Variants in ESRP2 observed in about 807,000 individuals in gnomAD.
ESRP2 encodes the protein RNA binding motif protein 35A.
Under a neutral mutation model 78.6 loss-of-function variants are expected in ESRP2, and 48 were observed. The observed-to-expected ratio is 0.61, with a 90% CI of 0.48 to 0.78. The LOEUF (loss-of-function observed/expected upper bound fraction) is 0.78, where lower values mean the gene tolerates loss of function less well. ESRP2 is among the 30% of genes least tolerant of loss of function. The pLI, the probability that ESRP2 is intolerant of heterozygous loss-of-function variation, is 0.00. For missense variants in ESRP2, 863 were observed against 965.9 expected (o/e 0.89, Z 1.41); for synonymous variants, 383 against 406.7 (o/e 0.94, Z 0.70).
rs2042224033 is a variant in ESRP2 at position 68,236,058 on chromosome 16, A to AG, written c.-14dup. Reference sequence around the variant, plus strand: ...GCGGCGGAGTCATGGCCGCAGAGGAAGGGGGCTCTCGGCCAGACACGCGGA... The same window carrying AG: ...GCGGCGGAGTCATGGCCGCAGAGGAAGGGGGGCTCTCGGCCAGACACGCGGA... On this transcript the variant is annotated 5_prime_UTR_variant, in exon 1 of 15. Coordinates refer to ENST00000473183, the MANE Select transcript of ESRP2 (RefSeq NM_024939.3). This position sits in a 1 kb window ranked among gnomAD's most constrained non-coding sequence, Gnocchi z 5.2. 7.1e-7 allele frequency: 1 copy of AG among 1,418,426 alleles called. No homozygotes were observed. Among genetic ancestry groups the AG allele is most frequent in the Admixed American group, 3.3e-5 (1 of 30,348 alleles). 87.9% of individuals were successfully genotyped at this position (1,418,426 alleles called of 1,614,324 possible). A position where few individuals can be genotyped will look rare whatever the true frequency, so the allele number is the denominator to read the frequency against.
In ESRP2 at chr16:68,232,948, C is replaced by T. The variant is rs1322082974; in HGVS notation, c.656-133G>A. 7.6e-7 allele frequency: 1 copy of T among 1,321,892 alleles called. No homozygotes were observed. Among genetic ancestry groups the T allele is most frequent in the African/African-American group, 1.4e-5 (1 of 69,074 alleles). The allele number at this position is 1,321,892 out of a possible 1,614,324, so 81.9% of individuals were successfully genotyped here. A position where few individuals can be genotyped will look rare whatever the true frequency, so the allele number is the denominator to read the frequency against. ...GCACAGTGGCTCACGCCTATAATCC[C>T]AGCACTTTGGGAGGCCAAGGTGGGT... On this transcript the variant is annotated intron_variant, in intron 5 of 14. Transcript: ENST00000473183. The surrounding 1 kb of genome is among the most constrained non-coding windows in gnomAD (Gnocchi z 5.2).
Position 68,229,411 on chromosome 16 carries a change from A to G in ESRP2, c.*815T>C, listed in dbSNP as rs1008554441. The G allele has an allele frequency of 1.3e-5, 2 of 152,652 alleles. No individual in the cohort carries two copies. Among genetic ancestry groups the G allele is most frequent in the African/African-American group, 4.8e-5 (2 of 41,446 alleles). 9.5% of individuals were successfully genotyped at this position (152,652 alleles called of 1,614,324 possible). On this transcript the variant is annotated 3_prime_UTR_variant, in exon 15 of 15. Transcript: ENST00000473183. ...AAGATCGAGTTCCAAATTGCTTCCG[A>G]GGCTTCAGTTCTGTACCATTTAATG...
Position 68,230,966 on chromosome 16 carries a change from C to T in ESRP2, c.1773G>A (p.Thr591=), listed in dbSNP as rs756594868. The T allele has an allele frequency of 1.2e-5, 19 of 1,608,462 alleles. No homozygotes were observed. The highest frequency in any genetic ancestry group is 4.5e-5 in the East Asian group (2 of 44,872). ...GTGCTGAAGAGGGGTATAGAGCTGC[C>T]GTCTCCGTGGGAATGAGCGTTGGGG... ...QATPTLIPTE[T]AALYPSSALL... The change falls in exon 13 of 15, where the codon ACG becomes ACA. Residue 591 remains threonine (T), a synonymous_variant. Coordinates refer to ENST00000473183, the MANE Select transcript of ESRP2 (RefSeq NM_024939.3).
chr16:68,233,416 A>C lies in ESRP2; in HGVS notation c.566T>G (p.Leu189Arg), dbSNP rs1238545555. 2 of 1,613,292 alleles carry C rather than the reference A, an allele frequency of 1.2e-6. No homozygotes were observed. The highest frequency in any genetic ancestry group is 2.7e-5 in the African/African-American group (2 of 74,910). ...GTCATCCTCTGTGGCATCTGTCTCC[A>C]GTCCTAAACCTATGGGCAGAGAAGT... is the stretch of plus-strand genomic sequence containing the variant. The part of the protein sequence containing the change: ...TVATMAQGLG[L>R]ETDATEDDFG... Residue 189 changes from leucine to arginine, a missense_variant, in exon 5 of 15, where the codon CTG (leucine) becomes CGG (arginine). By Grantham distance (102) the Leu-to-Arg change is moderately radical (BLOSUM62 -2). Transcript: ENST00000473183.
Position 68,231,727 on chromosome 16 carries a change from C to G in ESRP2, c.1300-33G>C. The G allele has an allele frequency of 6.3e-7, 1 of 1,593,482 alleles. No individual in the cohort carries two copies. Among genetic ancestry groups the G allele is most frequent in the Non-Finnish European group, 8.6e-7 (1 of 1,166,972 alleles). On this transcript the variant is annotated intron_variant, in intron 10 of 14. Transcript: ENST00000473183. This position sits in a 1 kb window ranked among gnomAD's most constrained non-coding sequence, Gnocchi z 6.0. ...GGAAGGCAGCAACAGGCTGGTCATG[C>G]CAAGTAGGGCAGGGACACAGAGGGC... is the stretch of plus-strand genomic sequence containing the variant.
chr16:68,235,281 C>G lies in ESRP2; in HGVS notation c.327+353G>C. On this transcript the variant is annotated intron_variant, in intron 2 of 14. Transcript: ENST00000473183. The surrounding 1 kb of genome is among the most constrained non-coding windows in gnomAD (Gnocchi z 5.5). The stretch of plus-strand genomic sequence containing the variant: ...GGTGACCTATATGGGCCCCTCGACC[C>G]CTTTCGCTTCCGGCTGCGGCTCAGG... 1.0e-6 allele frequency: 1 copy of G among 985,454 alleles called. No homozygotes were observed. Among genetic ancestry groups the G allele is most frequent in the Non-Finnish European group, 1.2e-6 (1 of 829,938 alleles). 61.0% of individuals were successfully genotyped at this position (985,454 alleles called of 1,614,324 possible).
rs751297679 is a variant in ESRP2 at position 68,232,479 on chromosome 16, G to A, written c.846C>T (p.Asn282=). The A allele has an allele frequency of 1.5e-5, 25 of 1,614,148 alleles. No homozygotes were observed. The highest frequency in any genetic ancestry group is 1.7e-5 in the Non-Finnish European group (20 of 1,180,018). The change falls in exon 8 of 15, where the codon AAC becomes AAT. Residue 282 remains asparagine, a synonymous_variant. Transcript: ENST00000473183. The surrounding 1 kb of genome is among the most constrained non-coding windows in gnomAD (Gnocchi z 5.2). ...CCTCGCCATTTCTGCGGCCCTGGGC[G>A]TTGAGGCAGAGTGCTACACCACCCC... ...VARGGVALCL[N]AQGRRNGEAL... is the part of the protein sequence containing the mutation.
rs1385939636 is a variant in ESRP2 at position 68,234,126 on chromosome 16, G to C, written c.328-19C>G. Reference sequence around the variant, plus strand: ...GTGAGAACTGGGGATAGGGAATGGGGAGAGAGAAACACACAGATTCACAGC... The same window carrying C: ...GTGAGAACTGGGGATAGGGAATGGGCAGAGAGAAACACACAGATTCACAGC... On this transcript the variant is annotated intron_variant, in intron 2 of 14. Transcript: ENST00000473183. 1 of 1,573,452 alleles carries C rather than the reference G, an allele frequency of 6.4e-7. No homozygotes were observed. The highest frequency in any genetic ancestry group is 8.7e-7 in the Non-Finnish European group (1 of 1,152,730).
rs1043812148 is a variant in ESRP2, at chr16:68,235,547, G to A, written c.327+87C>T. 167 of 1,541,190 alleles carry A rather than the reference G, an allele frequency of 1.1e-4. No homozygotes were observed. The highest frequency in any genetic ancestry group is 4.5e-5 in the Non-Finnish European group (52 of 1,154,070). ...CCTGCCGCCTGGACCGGTTGGTTGC[G>A]GCACGCCAGGCCTAGCCTCCGGCCG... On this transcript the variant is annotated intron_variant, in intron 2 of 14. Coordinates refer to ENST00000473183, the MANE Select transcript of ESRP2 (RefSeq NM_024939.3). The surrounding 1 kb of genome is among the most constrained non-coding windows in gnomAD (Gnocchi z 5.5).
chr16:68,235,663 C>T lies in ESRP2; in HGVS notation c.298G>A (p.Ala100Thr). 1 of 1,597,938 alleles carries T rather than the reference C, an allele frequency of 6.3e-7. No individual in the cohort carries two copies. Among genetic ancestry groups the T allele is most frequent in the South Asian group, 1.1e-5 (1 of 90,916 alleles). ...TGCAGCACCTTGTCCAGCGGCTCTG[C>T]CCGCGCCAGGCTGTCGGCGCTCAGG... is the stretch of plus-strand genomic sequence containing the variant. The part of the protein sequence containing the change: ...SGLSADSLAR[A>T]EPLDKVLQQF... The change falls in exon 2 of 15, where the codon GCA becomes ACA. Residue 100 changes from alanine to threonine, a missense_variant. Transcript: ENST00000473183. This position sits in a 1 kb window ranked among gnomAD's most constrained non-coding sequence, Gnocchi z 5.5.
rs1567563409 is a variant in ESRP2, at chr16:68,231,138, A to C, written c.1711+40T>G. ...GGTAGGGGCTTACAACAGCCTGGCT[A>C]CCACAGGCCTCCTCCTCCCCTAGCC... On this transcript the variant is annotated intron_variant, in intron 12 of 14. Transcript: ENST00000473183. This position sits in a 1 kb window ranked among gnomAD's most constrained non-coding sequence, Gnocchi z 6.0. 6.2e-7 allele frequency: 1 copy of C among 1,610,616 alleles called. No homozygotes were observed. Among genetic ancestry groups the C allele is most frequent in the Middle Eastern group, 1.7e-4 (1 of 6,060 alleles).
rs760409478 is a variant in ESRP2 at position 68,235,878 on chromosome 16, A to G, written c.168T>C (p.Val56=). 2 of 1,611,814 alleles carry G rather than the reference A, an allele frequency of 1.2e-6. No individual in the cohort carries two copies. Among genetic ancestry groups the G allele is most frequent in the South Asian group, 1.1e-5 (1 of 90,990 alleles). The stretch of plus-strand genomic sequence containing the variant: ...GGCTCCGCGGCTCAACCACTTGCCA[A>G]ACTAGGAGGATTAAGTCGGTCTCGT... ...GSDETDLILL[V]WQVVEPRSRQ... Residue 56 remains valine, a synonymous_variant, in exon 1 of 15, where the codon GTT becomes GTC. Coordinates refer to ENST00000473183, the MANE Select transcript of ESRP2 (RefSeq NM_024939.3). The surrounding 1 kb of genome is among the most constrained non-coding windows in gnomAD (Gnocchi z 5.5).
rs2042211168 is a variant in ESRP2, at chr16:68,235,424, G to A, written c.327+210C>T. ...TTCGGTAGGAGTAGGTTCCTGCAATGGTTGAAAAGTAAGGAGCCCAGGGGA... is the reference window on the plus strand; with the variant it reads ...TTCGGTAGGAGTAGGTTCCTGCAATAGTTGAAAAGTAAGGAGCCCAGGGGA... On this transcript the variant is annotated intron_variant, in intron 2 of 14. Coordinates refer to ENST00000473183, the MANE Select transcript of ESRP2 (RefSeq NM_024939.3). This position sits in a 1 kb window ranked among gnomAD's most constrained non-coding sequence, Gnocchi z 5.5. The A allele has an allele frequency of 1.0e-6, 1 of 985,362 alleles. No homozygotes were observed. The highest frequency in any genetic ancestry group is 1.2e-6 in the Non-Finnish European group (1 of 829,948). The allele number at this position is 985,362 out of a possible 1,614,324, so 61.0% of individuals were successfully genotyped here. A position where few individuals can be genotyped will look rare whatever the true frequency, so the allele number is the denominator to read the frequency against.
In ESRP2 at chr16:68,233,757, G is replaced by A; in HGVS notation, c.556+11C>T. 1 of 1,605,658 alleles carries A rather than the reference G, an allele frequency of 6.2e-7. No homozygotes were observed. The highest frequency in any genetic ancestry group is 8.5e-7 in the Non-Finnish European group (1 of 1,172,904). On this transcript the variant is annotated intron_variant, in intron 4 of 14. Coordinates refer to ENST00000473183, the MANE Select transcript of ESRP2 (RefSeq NM_024939.3). ...GGCTTCTCCACCCTAACCCTGCTGG[G>A]TCACAGATACCCTGTGCCATGGTGG...
intron 2 of ESRP2, 100 bp from the exon 3 acceptor site, chr16:68,234,207 GC>G: frequency 1.1e-6 from 1 of 913,312 alleles, no homozygotes; most frequent in Non-Finnish European, 1.7e-6. Context: ...AGCTGGTTCA[GC>G]CAGATGTTCA....
chr16:68,230,336 T>C (rs2042109477), intron 14 of ESRP2, 21 bp from the exon 15 acceptor site: 1 of 1,614,068 alleles, frequency 6.2e-7, no homozygotes, highest in South Asian at 1.1e-5. Flanking sequence ...GACACAGATT[T>C]AGGGCAGAGA....
Position 68,230,463 on chromosome 16 carries a change from C to T in ESRP2, c.1990G>A (p.Ala664Thr), listed in dbSNP as rs747807167. 14 of 1,612,636 alleles carry T rather than the reference C, an allele frequency of 8.7e-6. No individual in the cohort carries two copies. In the South Asian group the frequency reaches 1.5e-4, roughly 18 times the overall value. ...GGGACACCCTGCATGCGGACCAAGG[C>T]TCCTGACTGGGACAACACTGAGGTG... is the stretch of plus-strand genomic sequence containing the variant. Reference protein sequence around the residue: ...APTSVLSQSGALVRMQGVPYT... With the variant: ...APTSVLSQSGTLVRMQGVPYT... The change falls in exon 14 of 15, where the codon GCC (alanine) becomes ACC (threonine). Residue 664 changes from alanine (A) to threonine (T), a missense_variant. Ala to Thr is a moderately conservative substitution (Grantham distance 58). Coordinates refer to ENST00000473183, the MANE Select transcript of ESRP2 (RefSeq NM_024939.3).
intron 2 of ESRP2, 180 bp from the exon 3 acceptor site, chr16:68,234,287 C>T (rs1208368267): frequency 4.5e-5 from 27 of 593,548 alleles, no homozygotes; most frequent in Non-Finnish European, 6.0e-5. Context: ...CCCCTCACCC[C>T]CCAACCCTGT....
At position 68,230,538 on chromosome 16, in the gene ESRP2, T is replaced by TG. The variant is rs2042113797; in HGVS notation, c.1914dup (p.Thr639HisfsTer54). 1 of 1,571,010 alleles carries TG rather than the reference T, an allele frequency of 6.4e-7. No individual in the cohort carries two copies. Among genetic ancestry groups the TG allele is most frequent in the South Asian group, 1.2e-5 (1 of 84,460 alleles). ...GGTGTAGTGAGGTAGCCCACAGTGGTGGGGGAGACTGGGGGGCTAGGGTGG... is the reference window on the plus strand; with the variant it reads ...GGTGTAGTGAGGTAGCCCACAGTGGTGGGGGGAGACTGGGGGGCTAGGGTGG... On this transcript the variant is annotated frameshift_variant, in exon 14 of 15. Transcript: ENST00000473183. LOFTEE classifies it high-confidence loss of function.
Sources: allele counts gnomAD v4.1 joint callset, GRCh38; gene constraint gnomAD v4.1.1; non-coding constraint Gnocchi (gnomAD v3.1); transcripts MANE v1.5; gene names NCBI Gene and HGNC (gene_info 2026-07-23, HGNC 2026-07-21).